The following LTAP1 variants were observed in gnomAD, a reference collection of about 807,000 sequenced individuals.
LTAP1 encodes HCV NS5A-transactivated protein 4.
chr1:154,220,139 G>T, the LTAP1 span: 2 of 734,818 alleles, frequency 2.7e-6, no homozygotes, highest in South Asian at 1.7e-5. Flanking sequence ...CTGTGCTCTA[G>T]CGTTAAAGGG....
the LTAP1 span, among the ~76,000 whole-genome samples, chr1:154,209,023 C>T: frequency 2.0e-5 from 3 of 152,178 alleles, no homozygotes; most frequent in Admixed American, 2.0e-4. Context: ...GCTGGGATTA[C>T]AGCCGTGAGC....
At chr1:154,210,726 G>A in the LTAP1 span, among the ~76,000 whole-genome samples, 1 of 151,970 alleles carries the variant, frequency 6.6e-6, no homozygotes, top group Non-Finnish European at 1.5e-5. Flanking sequence ...TGATCCACCT[G>A]CCTCGGCCTC....
At chr1:154,212,677 T>C in the LTAP1 span, 1 of 1,603,072 alleles carries the variant, frequency 6.2e-7, no homozygotes, top group Admixed American at 1.7e-5. Flanking sequence ...GTCTTTTTTT[T>C]TGAGATGGAG....
the LTAP1 span, chr1:154,212,653 C>A: frequency 6.2e-7 from 1 of 1,611,948 alleles, no homozygotes; most frequent in South Asian, 1.1e-5. Context: ...AATGATATCT[C>A]TTCTCATTCT....
the LTAP1 span, chr1:154,212,489 T>G: frequency 6.2e-7 from 1 of 1,614,020 alleles, no homozygotes; most frequent in African/African-American, 1.3e-5. Flanking sequence ...TTCATAGCCA[T>G]CCAAAAGGGT....
chr1:154,216,601 G>C, the LTAP1 span, among the ~76,000 whole-genome samples: 1 of 151,920 alleles, frequency 6.6e-6, no homozygotes, highest in African/African-American at 2.4e-5. Flanking sequence ...TGCCTGCTGG[G>C]TTCAAGCAAT....
At chr1:154,218,157 C>T in the LTAP1 span, among the ~76,000 whole-genome samples, 1 of 152,168 alleles carries the variant, frequency 6.6e-6, no homozygotes, top group Non-Finnish European at 1.5e-5. Flanking sequence ...ATGAACAATG[C>T]CCCTATAAAT....
the LTAP1 span, chr1:154,214,040 G>T: frequency 1.8e-6 from 2 of 1,131,454 alleles, no homozygotes; most frequent in African/African-American, 3.1e-5. Context: ...CACTTTGGGA[G>T]GCTGAGGTGG....
the LTAP1 span, among the ~76,000 whole-genome samples, chr1:154,211,415 C>T: frequency 1.1e-4 from 14 of 126,514 alleles, no homozygotes; most frequent in African/African-American, 4.0e-4. Flanking sequence ...CAGCTCACTG[C>T]AACCTCTGCC....
At chr1:154,218,326 T>G in the LTAP1 span, among the ~76,000 whole-genome samples, 1 of 152,158 alleles carries the variant, frequency 6.6e-6, no homozygotes. Context: ...TCACTAGCAA[T>G]GGTTGAGAAT....
chr1:154,220,435 C>T, the LTAP1 span: 42 of 1,614,018 alleles, frequency 2.6e-5, no homozygotes, highest in Non-Finnish European at 3.5e-5. Flanking sequence ...CAGAATTGTT[C>T]GGGTTTACCC....
chr1:154,216,942 C>A, the LTAP1 span, among the ~76,000 whole-genome samples: 2 of 151,874 alleles, frequency 1.3e-5, no homozygotes, highest in East Asian at 1.9e-4. Flanking sequence ...AACCACCTCG[C>A]CTGGCCTTAA....
At chr1:154,216,241 G>T in the LTAP1 span, among the ~76,000 whole-genome samples, 2 of 151,854 alleles carry the variant, frequency 1.3e-5, no homozygotes, top group Non-Finnish European at 2.9e-5. Context: ...CTGTTTTATC[G>T]TGTCACCCTA....
At chr1:154,213,800 A>G in the LTAP1 span, 1 of 1,015,482 alleles carries the variant, frequency 9.8e-7, no homozygotes, top group Non-Finnish European at 1.5e-6. Context: ...ATGTGCAGAA[A>G]GGACAAATCC....
At chr1:154,207,458 G>A in the LTAP1 span, 8 of 1,613,812 alleles carry the variant, frequency 5.0e-6, no homozygotes, top group Admixed American at 6.7e-5. Flanking sequence ...CTCCGTCACA[G>A]AGTACTCTCC....
the LTAP1 span, among the ~76,000 whole-genome samples, chr1:154,209,743 C>T: frequency 3.3e-5 from 5 of 152,012 alleles, no homozygotes; most frequent in East Asian, 5.8e-4. Flanking sequence ...CCCGCCACCA[C>T]GCCCGGCTAA....
chr1:154,218,693 A>G, the LTAP1 span, among the ~76,000 whole-genome samples: 1 of 152,204 alleles, frequency 6.6e-6, no homozygotes, highest in Non-Finnish European at 1.5e-5. Context: ...TTTTCATTCA[A>G]CAAGAAATTA....
At chr1:154,216,488 C>T in the LTAP1 span, among the ~76,000 whole-genome samples, 3,881 of 151,978 alleles carry the variant, frequency 0.026, 85 homozygotes, top group Non-Finnish European at 0.039. Flanking sequence ...GCACACACCA[C>T]CATGCATGGC....
At chr1:154,207,748 A>G in the LTAP1 span, 1 of 978,056 alleles carries the variant, frequency 1.0e-6, no homozygotes, top group Non-Finnish European at 1.5e-6. Flanking sequence ...ACAAATAGTT[A>G]TTTGTGTCCT....
Sources: gnomAD v4.1 joint callset for allele counts (sites outside exome capture counted in the v4.1 genomes callset) on GRCh38, gnomAD v4.1.1 for gene constraint, MANE v1.5 for transcripts, NCBI Gene and HGNC (gene_info 2026-07-23, HGNC 2026-07-21) for gene names.